The following SERPINB7 variants were observed in gnomAD, a reference collection of about 807,000 sequenced individuals.
SERPINB7 encodes the protein serpin family B member 7.
Under a neutral mutation model 37.4 loss-of-function variants are expected in SERPINB7, and 31 were observed. That is an observed-to-expected ratio of 0.83 (90% CI 0.62 to 1.12). SERPINB7 has a LOEUF of 1.12. SERPINB7 is among the 50% of genes most tolerant of loss of function. The probability of loss-of-function intolerance (pLI) is 0.00; values close to 1 mark genes in which losing one functional copy is unlikely to be tolerated. For synonymous variants in SERPINB7, 163 were observed against 166.1 expected, an observed-to-expected ratio of 0.98 and a Z score of 0.14; for missense variants, 521 against 455.3, an observed-to-expected ratio of 1.14 and a Z score of -1.31.
At chr18:63,800,788 C>A in intron 6 of SERPINB7, 78 bp from the exon 7 acceptor site, 1 of 1,509,452 alleles carries the variant, frequency 6.6e-7, no homozygotes, top group Middle Eastern at 1.7e-4. Context: ...TGACCAAGTA[C>A]AATATTCTTA....
At chr18:63,793,340 G>C (rs867992105) in intron 4 of SERPINB7, 63 bp downstream of exon 4, 1 of 852,396 alleles carries the variant, frequency 1.2e-6, no homozygotes, top group Non-Finnish European at 1.9e-6. Flanking sequence ...CTGAACAAAG[G>C]CTTGTGTCTT....
intron 2 of SERPINB7, among the ~76,000 whole-genome samples, chr18:63,788,792 C>T (rs917987389): frequency 6.6e-6 from 1 of 152,204 alleles, no homozygotes; most frequent in African/African-American, 2.4e-5. Context: ...CAGATATTTA[C>T]CATTGTGTTA....
Position 63,788,344 on chromosome 18 carries a change from C to T in SERPINB7, c.169-4049C>T, listed in dbSNP as rs151240191. 4.7e-3 allele frequency among the ~76,000 whole-genome samples: 709 copies of T among 151,820 alleles called. 6 individuals carry two copies. The highest frequency in any genetic ancestry group is 0.033 in the East Asian group (168 of 5,164). ...AAAGTGTTTATGTCTTACTTATTCA[C>T]AAAAAAGTTTAAAAAGTTAAAAAAT... is the stretch of plus-strand genomic sequence containing the variant. On this transcript the variant is annotated intron_variant, in intron 2 of 7. Transcript: ENST00000398019.
At chr18:63,801,303 T>C (rs898476962) in intron 7 of SERPINB7, among the ~76,000 whole-genome samples, 2 of 152,198 alleles carry the variant, frequency 1.3e-5, no homozygotes, top group African/African-American at 2.4e-5. Flanking sequence ...TAGGCCTTTT[T>C]GGTGTTTGGC....
intron 1 of SERPINB7, among the ~76,000 whole-genome samples, chr18:63,755,471 T>G (rs1174859922): frequency 6.6e-6 from 1 of 152,158 alleles, no homozygotes; most frequent in East Asian, 1.9e-4. Flanking sequence ...ATAACTAGTT[T>G]GTTTCAGTAG....
intron 1 of SERPINB7, among the ~76,000 whole-genome samples, chr18:63,779,435 C>T (rs148677707): frequency 7.1e-4 from 108 of 152,158 alleles, no homozygotes; most frequent in Non-Finnish European, 1.4e-3. Flanking sequence ...TTAAACAGTG[C>T]ACCTGCATAG....
chr18:63,767,683 G>A (rs2049188134), intron 1 of SERPINB7, among the ~76,000 whole-genome samples: 1 of 151,838 alleles, frequency 6.6e-6, no homozygotes, highest in Non-Finnish European at 1.5e-5. Context: ...GGATTTTCCA[G>A]CTCATAAATG....
intron 1 of SERPINB7, among the ~76,000 whole-genome samples, chr18:63,756,286 T>C (rs2049121644): frequency 6.6e-6 from 1 of 152,190 alleles, no homozygotes; most frequent in South Asian, 2.1e-4. Flanking sequence ...CAATGTGAAA[T>C]TGTAAACTCT....
chr18:63,800,568 G>A (rs994064406), intron 6 of SERPINB7, among the ~76,000 whole-genome samples: 3 of 152,168 alleles, frequency 2.0e-5, no homozygotes, highest in Non-Finnish European at 2.9e-5. Context: ...ATCCTGTACA[G>A]CAGGGATTAT....
At chr18:63,785,691 T>G (rs1324719573) in intron 2 of SERPINB7, among the ~76,000 whole-genome samples, 1 of 151,872 alleles carries the variant, frequency 6.6e-6, no homozygotes, top group African/African-American at 2.4e-5. Context: ...GACAAAGTCA[T>G]GGGTTCAGAC....
intron 2 of SERPINB7, among the ~76,000 whole-genome samples, chr18:63,783,939 A>G (rs2049338951): frequency 1.3e-5 from 2 of 151,452 alleles, no homozygotes; most frequent in Admixed American, 1.3e-4. Flanking sequence ...GTAAATATTA[A>G]TTGCTAGAGA....
At chr18:63,754,342 C>T (rs1279781577) in intron 1 of SERPINB7, among the ~76,000 whole-genome samples, 3 of 152,062 alleles carry the variant, frequency 2.0e-5, no homozygotes, top group Admixed American at 1.3e-4. Context: ...AGGCTGGGTT[C>T]GGGTTTGTTA....
intron 1 of SERPINB7, among the ~76,000 whole-genome samples, chr18:63,781,917 G>A (rs1264996201): frequency 6.6e-6 from 1 of 152,012 alleles, no homozygotes; most frequent in East Asian, 1.9e-4. Context: ...GGAAAGAATG[G>A]GTTAAAAATG....
intron 1 of SERPINB7, among the ~76,000 whole-genome samples, chr18:63,759,164 A>G (rs12326844): frequency 0.049 from 7,508 of 152,018 alleles, 658 homozygotes; most frequent in African/African-American, 0.17. Context: ...CTTATATTTT[A>G]ATGCATCTCA....
intron 1 of SERPINB7, among the ~76,000 whole-genome samples, chr18:63,776,325 G>A (rs1017122539): frequency 2.6e-5 from 4 of 151,856 alleles, no homozygotes; most frequent in Admixed American, 1.3e-4. Context: ...CACCCACTAG[G>A]GGTAACTAAA....
At chr18:63,772,992 AG>A (rs1420095181), upstream of SERPINB7, among the ~76,000 whole-genome samples, 2 of 152,172 alleles carry the variant, frequency 1.3e-5, no homozygotes, top group African/African-American at 4.8e-5. Flanking sequence ...AATCAGAAGA[AG>A]GAGGAGGAAT....
chr18:63,794,550 C>G (rs1358357077), intron 4 of SERPINB7, among the ~76,000 whole-genome samples: 2 of 151,868 alleles, frequency 1.3e-5, no homozygotes, highest in Non-Finnish European at 2.9e-5. Flanking sequence ...ATTAGCCGGG[C>G]GCGGTGGCAG....
chr18:63,753,372 A>G (rs1445196554), intron 1 of SERPINB7, among the ~76,000 whole-genome samples: 2 of 152,152 alleles, frequency 1.3e-5, no homozygotes, highest in African/African-American at 4.8e-5. Context: ...TGACGGCCGC[A>G]TCTATAACAT....
rs146676020 is a variant in SERPINB7 at position 63,765,693 on chromosome 18, C to G, written c.-19+12573C>G. ...CCTGCTCATATACTGCAGCTCCATTCTTATATTTTAGATCCTGACTTAGAT... is the reference window on the plus strand; with the variant it reads ...CCTGCTCATATACTGCAGCTCCATTGTTATATTTTAGATCCTGACTTAGAT... On this transcript the variant is annotated intron_variant, in intron 1 of 7. Coordinates refer to the SERPINB7 transcript ENST00000336429. Among the ~76,000 whole-genome samples, 1,436 of 152,228 alleles carry G rather than the reference C, an allele frequency of 9.4e-3. 18 individuals carry two copies. The highest frequency in any genetic ancestry group is 0.016 in the Non-Finnish European group (1,055 of 67,996).
Sources: allele counts gnomAD v4.1 joint callset (sites outside exome capture counted in the v4.1 genomes callset), GRCh38; gene constraint gnomAD v4.1.1; transcripts MANE v1.5; gene names NCBI Gene and HGNC (gene_info 2026-07-23, HGNC 2026-07-21).